Variants in SPEF2 observed in about 807,000 individuals in gnomAD.
SPEF2 encodes sperm flagellar and cilia associated 2, also known as sperm flagella and cilia-associated protein 2.
Under a neutral mutation model 224.6 loss-of-function variants are expected in SPEF2, and 187 were observed. The observed-to-expected ratio is 0.83, with a 90% CI of 0.74 to 0.94. The LOEUF (loss-of-function observed/expected upper bound fraction) is 0.94, where lower values mean the gene tolerates loss of function less well. Among genes scored for constraint, SPEF2 ranks in the 40% least tolerant of loss-of-function variants. SPEF2 has a pLI of 0.00. For missense variants in SPEF2, 2,170 were observed against 2,135.6 expected, an observed-to-expected ratio of 1.02 and a Z score of -0.32; for synonymous variants, 715 against 707.3, an observed-to-expected ratio of 1.01 and a Z score of -0.17.
rs1753631212 is a variant in SPEF2, at chr5:35,776,527, G to A, written c.4217+132G>A. The A allele has an allele frequency of 1.3e-5, 11 of 857,388 alleles. No homozygotes were observed. In the East Asian group the frequency reaches 2.9e-4, roughly 23 times the overall value. 53.1% of individuals were successfully genotyped at this position (857,388 alleles called of 1,614,324 possible). On this transcript the variant is annotated intron_variant, in intron 29 of 36. Coordinates refer to ENST00000356031, the MANE Select transcript of SPEF2 (RefSeq NM_024867.4). ...ATTTTGGCCTTTTAGGAAATCACGT[G>A]TATAAACAGATAATATGAGCTTTAC...
At chr5:35,756,749 G>C (rs1750506592) in intron 24 of SPEF2, among the ~76,000 whole-genome samples, 1 of 152,172 alleles carries the variant, frequency 6.6e-6, no homozygotes, top group Non-Finnish European at 1.5e-5. Context: ...GTGATCAAAT[G>C]ACTTTGGGAA....
intron 33 of SPEF2, among the ~76,000 whole-genome samples, chr5:35,796,209 C>T (rs1015861945): frequency 6.6e-6 from 1 of 152,192 alleles, no homozygotes; most frequent in Non-Finnish European, 1.5e-5. Flanking sequence ...TACAGCATTG[C>T]CCATAGCCCA....
intron 2 of SPEF2, among the ~76,000 whole-genome samples, chr5:35,640,554 G>T (rs1301535050): frequency 6.6e-6 from 1 of 152,166 alleles, no homozygotes; most frequent in African/African-American, 2.4e-5. Context: ...GAAACAGATT[G>T]CAAAACTGGA....
At chr5:35,658,784 A>G (rs1043755424) in intron 7 of SPEF2, among the ~76,000 whole-genome samples, 2 of 152,198 alleles carry the variant, frequency 1.3e-5, no homozygotes, top group Admixed American at 6.5e-5. Flanking sequence ...GAATGAAGTA[A>G]TAATTTGTTT....
chr5:35,795,887 CA>C, intron 33 of SPEF2, 92 bp downstream of exon 33: 1 of 1,059,706 alleles, frequency 9.4e-7, no homozygotes. Flanking sequence ...CTGTGGACTG[CA>C]CCCCTGCCCC....
chr5:35,738,927 A>G (rs1364111321), intron 21 of SPEF2, among the ~76,000 whole-genome samples: 1 of 152,088 alleles, frequency 6.6e-6, no homozygotes, highest in African/African-American at 2.4e-5. Context: ...CAATGATTTC[A>G]CCATTCTTCC....
At chr5:35,760,102 C>T (rs1027087622) in intron 25 of SPEF2, among the ~76,000 whole-genome samples, 1 of 152,170 alleles carries the variant, frequency 6.6e-6, no homozygotes, top group African/African-American at 2.4e-5. Flanking sequence ...TGGCTCACAC[C>T]TGTAATCCCA....
At chr5:35,622,981 A>G (rs1236495816) in intron 1 of SPEF2, among the ~76,000 whole-genome samples, 1 of 152,216 alleles carries the variant, frequency 6.6e-6, no homozygotes, top group Non-Finnish European at 1.5e-5. Context: ...TTCTTTTACC[A>G]AAGGAAAGAA....
At chr5:35,720,736 A>G (rs547160641) in intron 20 of SPEF2, among the ~76,000 whole-genome samples, 237 of 152,330 alleles carry the variant, frequency 1.6e-3, no homozygotes, top group African/African-American at 5.5e-3. Context: ...TCATCAAGAT[A>G]TAACCTAAAG....
chr5:35,719,747 G>A (rs766270918), intron 20 of SPEF2, among the ~76,000 whole-genome samples: 5 of 151,982 alleles, frequency 3.3e-5, no homozygotes, highest in Admixed American at 6.6e-5. Context: ...TCAGCCTCCC[G>A]AGTAGCTGGG....
Position 35,706,093 on chromosome 5 carries a change from G to A in SPEF2, c.2665+285G>A, listed in dbSNP as rs1237992671. On this transcript the variant is annotated intron_variant, in intron 18 of 36. Coordinates refer to ENST00000356031, the MANE Select transcript of SPEF2 (RefSeq NM_024867.4). ...AAACCCAGCAGAGTTAAATTTAAAT[G>A]TTAATTCACATTTTATTCTCTGGAT... Among the ~76,000 whole-genome samples the A allele has an allele frequency of 8.1e-4, 123 of 151,086 alleles. 1 individual carries two copies. The highest frequency in any genetic ancestry group is 2.4e-4 in the Non-Finnish European group (16 of 67,724).
At chr5:35,802,142 C>T (rs1214606161) in intron 34 of SPEF2, among the ~76,000 whole-genome samples, 3 of 152,120 alleles carry the variant, frequency 2.0e-5, no homozygotes, top group Non-Finnish European at 2.9e-5. Context: ...TGTGGATGCC[C>T]TCTCCTTTCC....
rs1354773862 is a variant in SPEF2, at chr5:35,779,255, T to C, written c.4356T>C (p.Arg1452=). 1.1e-5 allele frequency: 18 copies of C among 1,613,778 alleles called. No individual in the cohort carries two copies. The highest frequency in any genetic ancestry group is 1.4e-5 in the Non-Finnish European group (16 of 1,179,890). ...TCCCAGATCCTCCCCCATCAATACGTCCTCCACCTGTAGAAAAGGAAGAAG... is the reference window on the plus strand; with the variant it reads ...TCCCAGATCCTCCCCCATCAATACGCCCTCCACCTGTAGAAAAGGAAGAAG... The part of the protein sequence containing the change: ...KVFPDPPPSI[R]PPPVEKEEDG... The change falls in exon 30 of 37, where the codon CGT becomes CGC. Residue 1452 remains arginine, a synonymous_variant. Coordinates refer to ENST00000356031, the MANE Select transcript of SPEF2 (RefSeq NM_024867.4).
In SPEF2 at chr5:35,811,886, G is replaced by A. The variant is rs576734719; in HGVS notation, c.5380-2578G>A. Among the ~76,000 whole-genome samples, 12 of 150,306 alleles carry A rather than the reference G, an allele frequency of 8.0e-5. No individual in the cohort carries two copies. In the South Asian group the frequency reaches 1.7e-3, roughly 21 times the overall value. ...TGCAAGCTGCACCTCCCGGGTTCAC[G>A]CCATTCTCCTGCCTCAGCCTCCCGA... On this transcript the variant is annotated intron_variant, in intron 36 of 36. Transcript: ENST00000356031.
At chr5:35,795,833 C>A in intron 33 of SPEF2, 38 bp downstream of exon 33, 1 of 1,510,628 alleles carries the variant, frequency 6.6e-7, no homozygotes. Context: ...GGCATTATAG[C>A]ACTAATCATT....
chr5:35,661,335 GTA>G (rs1173431421), intron 8 of SPEF2, among the ~76,000 whole-genome samples: 3 of 130,196 alleles, frequency 2.3e-5, no homozygotes, highest in Non-Finnish European at 3.3e-5. Flanking sequence ...CAAAGTGTGT[GTA>G]TATATATATA....
intron 16 of SPEF2, among the ~76,000 whole-genome samples, chr5:35,703,208 G>A (rs1739045419): frequency 6.6e-6 from 1 of 151,856 alleles, no homozygotes; most frequent in Non-Finnish European, 1.5e-5. Context: ...TAAGAATAAA[G>A]GTTGTGTATT....
intron 10 of SPEF2, among the ~76,000 whole-genome samples, chr5:35,683,020 T>A (rs1290238378): frequency 2.0e-5 from 3 of 152,216 alleles, no homozygotes; most frequent in Non-Finnish European, 2.9e-5. Flanking sequence ...AAGCAGATTC[T>A]GTTTGTAAAT....
At chr5:35,753,859 T>C in intron 24 of SPEF2, 98 bp downstream of exon 24, 2 of 1,468,112 alleles carry the variant, frequency 1.4e-6, no homozygotes, top group Admixed American at 3.5e-5. Flanking sequence ...AGAGGTCTGT[T>C]CAGGGCTCAT....
Sources: gnomAD v4.1 joint callset for allele counts (sites outside exome capture counted in the v4.1 genomes callset) on GRCh38, gnomAD v4.1.1 for gene constraint, MANE v1.5 for transcripts, NCBI Gene and HGNC (gene_info 2026-07-23, HGNC 2026-07-21) for gene names.